Variants in FOXO1 observed in about 807,000 individuals in gnomAD.
FOXO1 encodes forkhead box protein O1.
FOXO1 carries 6 observed loss-of-function variants against 44.1 expected under a neutral mutation model. The ratio of observed to expected loss-of-function variants is 0.14; its 90% CI spans 0.07 to 0.27. The LOEUF is 0.27. Ranked by LOEUF, FOXO1 falls within the 10% of genes least tolerant of loss-of-function variation. The pLI is 1.00. For missense variants in FOXO1, 737 were observed against 888.8 expected (o/e 0.83, Z 2.17); for synonymous variants, 380 against 362.7 (o/e 1.05, Z -0.54).
At chr13:40,578,821 T>C (rs748928702) in intron 1 of FOXO1, among the ~76,000 whole-genome samples, 5 of 152,246 alleles carry the variant, frequency 3.3e-5, no homozygotes, top group African/African-American at 4.8e-5. Flanking sequence ...AACTGTTCCC[T>C]TAGACTTTGT....
intron 1 of FOXO1, among the ~76,000 whole-genome samples, chr13:40,634,947 G>A (rs1877097676): frequency 6.6e-6 from 1 of 152,124 alleles, no homozygotes; most frequent in South Asian, 2.1e-4. Flanking sequence ...AAAGTGCTGG[G>A]ATTACAGACA....
intron 1 of FOXO1, among the ~76,000 whole-genome samples, chr13:40,569,631 A>G (rs1256543266): frequency 6.6e-6 from 1 of 152,216 alleles, no homozygotes; most frequent in Non-Finnish European, 1.5e-5. Flanking sequence ...CTCCCTGTTA[A>G]GAAAATTTTA....
chr13:40,605,816 G>C (rs1048535832), intron 1 of FOXO1, among the ~76,000 whole-genome samples: 2 of 152,076 alleles, frequency 1.3e-5, no homozygotes, highest in African/African-American at 2.4e-5. Context: ...TGGAAAACTA[G>C]TGTGTGAAAG....
At chr13:40,634,482 C>G (rs1877076241) in intron 1 of FOXO1, among the ~76,000 whole-genome samples, 1 of 152,094 alleles carries the variant, frequency 6.6e-6, no homozygotes. Flanking sequence ...GAAAAGTGAG[C>G]TAGGGCAACA....
Position 40,665,589 on chromosome 13 carries a change from G to T in FOXO1, c.624C>A (p.Gly208=). ...KDKGDSNSSA[G]WKNSIRHNLS... ...GCGCGCCGAGTCCACTCACCTTCCA[G>T]CCCGCCGAGCTGTTGCTGTCACCCT... The change falls in exon 1 of 3, where the codon GGC becomes GGA. Residue 208 remains glycine (G), a synonymous_variant. Coordinates refer to ENST00000379561, the MANE Select transcript of FOXO1 (RefSeq NM_002015.4). 1.4e-6 allele frequency: 2 copies of T among 1,421,824 alleles called. No homozygotes were observed. Among genetic ancestry groups the T allele is most frequent in the South Asian group, 1.6e-5 (1 of 63,848 alleles). The allele number at this position is 1,421,824 out of a possible 1,614,324, so 88.1% of individuals were successfully genotyped here.
At chr13:40,617,554 T>C (rs1259268173) in intron 1 of FOXO1, among the ~76,000 whole-genome samples, 1 of 151,958 alleles carries the variant, frequency 6.6e-6, no homozygotes, top group Admixed American at 6.6e-5. Flanking sequence ...CCCCAGCATC[T>C]AGGAGCCAGA....
In FOXO1 at chr13:40,614,206, CCAAA is replaced by C. The variant is rs753585280; in HGVS notation, c.630+51373_630+51376del. ...GGCCAGGCCAGGATGCATCTAAAAG[CCAAA>C]CAGTTTGCTGTGTGCTTGCTTCTCA... On this transcript the variant is annotated intron_variant, in intron 1 of 2. Transcript: ENST00000379561. 3.0e-4 allele frequency among the ~76,000 whole-genome samples: 46 copies of C among 152,178 alleles called. 1 individual carries two copies. The highest frequency in any genetic ancestry group is 5.9e-4 in the Admixed American group (9 of 15,278).
intron 1 of FOXO1, among the ~76,000 whole-genome samples, chr13:40,626,030 CTGG>C (rs964649523): frequency 4.1e-4 from 62 of 152,270 alleles, no homozygotes; most frequent in African/African-American, 1.5e-3. Flanking sequence ...GTTGCCCAGG[CTGG>C]TCATGAACTC....
rs1280528195 is a variant in FOXO1, at chr13:40,558,051, A to G, written c.*998T>C. 1 of 152,688 alleles carries G rather than the reference A, an allele frequency of 6.5e-6. No individual in the cohort carries two copies. Among genetic ancestry groups the G allele is most frequent in the Admixed American group, 6.5e-5 (1 of 15,288 alleles). 9.5% of individuals were successfully genotyped at this position (152,688 alleles called of 1,614,324 possible). A position where few individuals can be genotyped will look rare whatever the true frequency, so the allele number is the denominator to read the frequency against. Reference sequence around the variant, plus strand: ...GTTGAATATGCAAGTACTAATTACAATGATTTAAGATTAGTCAGAAACATC... The same window carrying G: ...GTTGAATATGCAAGTACTAATTACAGTGATTTAAGATTAGTCAGAAACATC... On this transcript the variant is annotated 3_prime_UTR_variant, in exon 3 of 3. Transcript: ENST00000379561.
intron 1 of FOXO1, among the ~76,000 whole-genome samples, chr13:40,596,520 G>C (rs549935618): frequency 6.6e-6 from 1 of 152,312 alleles, no homozygotes; most frequent in East Asian, 1.9e-4. Context: ...TTAGTTACAT[G>C]ATCTTGGGCA....
chr13:40,564,127 G>A (rs1395766357), intron 1 of FOXO1, among the ~76,000 whole-genome samples: 1 of 152,154 alleles, frequency 6.6e-6, no homozygotes, highest in Admixed American at 6.5e-5. Context: ...GAGAGGGGGT[G>A]AAGCTCTCTA....
At chr13:40,598,691 C>G (rs1246588490) in intron 1 of FOXO1, among the ~76,000 whole-genome samples, 2 of 152,142 alleles carry the variant, frequency 1.3e-5, no homozygotes, top group Non-Finnish European at 2.9e-5. Context: ...CTGAATACAC[C>G]CCCAGCTCTG....
At chr13:40,581,597 A>G (rs1874958795) in intron 1 of FOXO1, among the ~76,000 whole-genome samples, 1 of 152,210 alleles carries the variant, frequency 6.6e-6, no homozygotes, top group African/African-American at 2.4e-5. Context: ...ATTCAAATCA[A>G]CTAGTTTCCC....
chr13:40,620,272 A>G (rs1426649503), intron 1 of FOXO1: 11 of 1,289,448 alleles, frequency 8.5e-6, no homozygotes, highest in Non-Finnish European at 1.1e-5. Context: ...AGATCAGGAC[A>G]GTATTGCAAA....
intron 1 of FOXO1, among the ~76,000 whole-genome samples, chr13:40,606,934 A>G (rs545707739): frequency 2.0e-5 from 3 of 152,178 alleles, no homozygotes; most frequent in Non-Finnish European, 4.4e-5. Flanking sequence ...ATATCATGCA[A>G]TGCTCTCAGA....
intron 1 of FOXO1, among the ~76,000 whole-genome samples, chr13:40,562,354 G>A (rs1334866870): frequency 2.0e-5 from 3 of 152,164 alleles, no homozygotes; most frequent in African/African-American, 7.2e-5. Flanking sequence ...AGGCCAACTA[G>A]GGAAGAAAAA....
intron 1 of FOXO1, among the ~76,000 whole-genome samples, chr13:40,644,906 A>T (rs1459220268): frequency 6.6e-6 from 1 of 152,228 alleles, no homozygotes; most frequent in Non-Finnish European, 1.5e-5. Flanking sequence ...CTCATCTCAA[A>T]GTTACTAATC....
At chr13:40,611,797 C>T (rs1876242906) in intron 1 of FOXO1, among the ~76,000 whole-genome samples, 1 of 152,300 alleles carries the variant, frequency 6.6e-6, no homozygotes, top group South Asian at 2.1e-4. Context: ...CTAGGCTGGG[C>T]ACAGTGGCTC....
intron 1 of FOXO1, among the ~76,000 whole-genome samples, chr13:40,627,832 A>G (rs1876834828): frequency 7.9e-6 from 1 of 126,770 alleles, no homozygotes; most frequent in African/African-American, 3.2e-5. Flanking sequence ...TACTCCGGCT[A>G]AAAAAAAAAA....
Sources: allele counts gnomAD v4.1 joint callset (sites outside exome capture counted in the v4.1 genomes callset), GRCh38; gene constraint gnomAD v4.1.1; transcripts MANE v1.5; gene names NCBI Gene and HGNC (gene_info 2026-07-23, HGNC 2026-07-21).